The following OTUD7A variants were observed in gnomAD, a reference collection of about 807,000 sequenced individuals.
OTUD7A encodes the protein OTU deubiquitinase 7A, also known as OTU domain-containing protein 7A.
OTUD7A carries 12 observed loss-of-function variants against 65.7 expected under a neutral mutation model. That is an observed-to-expected ratio of 0.18 (90% confidence interval 0.12 to 0.30). The LOEUF (loss-of-function observed/expected upper bound fraction) is 0.30, where lower values mean the gene tolerates loss of function less well. Ranked by LOEUF, OTUD7A falls within the 10% of genes least tolerant of loss-of-function variation. The pLI, the probability that OTUD7A is intolerant of heterozygous loss-of-function variation, is 1.00. For missense variants in OTUD7A, 1,148 were observed against 1,304.8 expected (o/e 0.88, Z 1.85); for synonymous variants, 641 against 586.3 (o/e 1.09, Z -1.35).
intron 1 of OTUD7A, among the ~76,000 whole-genome samples, chr15:31,801,497 A>T (rs1383529715): frequency 6.6e-6 from 1 of 152,274 alleles, no homozygotes; most frequent in African/African-American, 2.4e-5. Context: ...CTAGGCCAGC[A>T]GCGGGCACAT....
chr15:31,760,281 C>G lies in OTUD7A; in HGVS notation c.-99-103204G>C, dbSNP rs185542908. ...AGGGACATCATCCTTCCAATTAGCC[C>G]TGATTTCCACTGTTTCATCACTTCC... On this transcript the variant is annotated intron_variant, in intron 1 of 12. Transcript: ENST00000307050. 3.3e-3 allele frequency among the ~76,000 whole-genome samples: 498 copies of G among 152,282 alleles called. 6 individuals carry two copies. Among genetic ancestry groups the G allele is most frequent in the African/African-American group, 0.012 (483 of 41,556 alleles).
chr15:31,854,414 A>T (rs932602450), intron 1 of OTUD7A, among the ~76,000 whole-genome samples: 1 of 152,216 alleles, frequency 6.6e-6, no homozygotes, highest in Admixed American at 6.5e-5. Context: ...GGACAGGAAC[A>T]TCTCTGGGGG....
intron 1 of OTUD7A, among the ~76,000 whole-genome samples, chr15:31,781,752 T>C (rs1479751649): frequency 1.3e-5 from 2 of 152,220 alleles, no homozygotes; most frequent in Non-Finnish European, 2.9e-5. Flanking sequence ...TTGACTGATT[T>C]CACCATCATC....
chr15:31,631,602 G>A (rs1053466528), intron 3 of OTUD7A, among the ~76,000 whole-genome samples: 77 of 152,060 alleles, frequency 5.1e-4, no homozygotes, highest in Non-Finnish European at 4.7e-4. Context: ...TCTTTGTGGC[G>A]TTCTCTGTAT....
rs967740370 is a variant in OTUD7A, at chr15:31,734,530, CA to C, written c.-99-77454del. On this transcript the variant is annotated intron_variant, in intron 1 of 12. Coordinates refer to ENST00000307050, the MANE Select transcript of OTUD7A (RefSeq NM_001382637.1). ...TATTACAGGGCTACGGTAGCCAAAA[CA>C]GCATGGTACTGGTACAAAAACAGAT... Among the ~76,000 whole-genome samples, 12 of 152,312 alleles carry C rather than the reference CA, an allele frequency of 7.9e-5. No individual in the cohort carries two copies. The South Asian group carries it at 2.5e-3, about 32-fold the overall frequency.
chr15:31,655,564 G>C (rs892547811), intron 2 of OTUD7A, among the ~76,000 whole-genome samples: 4 of 152,030 alleles, frequency 2.6e-5, no homozygotes, highest in African/African-American at 9.7e-5. Flanking sequence ...GAAAGACAGT[G>C]CCATCTATGA....
chr15:31,696,792 T>C (rs2654091), intron 1 of OTUD7A, among the ~76,000 whole-genome samples: 140,586 of 151,130 alleles, frequency 0.93, 66,302 homozygotes, highest in East Asian at 1. Context: ...GGCCTGGGGC[T>C]AGGTGTCTGC....
At chr15:31,672,367 T>C (rs1892503263) in intron 1 of OTUD7A, among the ~76,000 whole-genome samples, 1 of 152,224 alleles carries the variant, frequency 6.6e-6, no homozygotes, top group Admixed American at 6.5e-5. Context: ...TAGAGATTTA[T>C]CCATCTTAAC....
chr15:31,636,429 T>G (rs1290264108), intron 3 of OTUD7A, among the ~76,000 whole-genome samples: 1 of 152,230 alleles, frequency 6.6e-6, no homozygotes, highest in Non-Finnish European at 1.5e-5. Context: ...GTGTGTGTTC[T>G]GACTGCTCCA....
intron 3 of OTUD7A, among the ~76,000 whole-genome samples, chr15:31,619,368 T>C (rs1268077455): frequency 2.0e-5 from 3 of 152,212 alleles, no homozygotes; most frequent in Non-Finnish European, 4.4e-5. Flanking sequence ...CCTTGGGCAG[T>C]ATGGCCATTT....
At chr15:31,544,416 G>C (rs986537165) in intron 5 of OTUD7A, among the ~76,000 whole-genome samples, 11 of 151,592 alleles carry the variant, frequency 7.3e-5, no homozygotes, top group Non-Finnish European at 1.5e-4. Flanking sequence ...GAGGTATAGA[G>C]GGAAGGGAAA....
chr15:31,589,157 A>G (rs1008718072), intron 3 of OTUD7A, among the ~76,000 whole-genome samples: 1 of 152,214 alleles, frequency 6.6e-6, no homozygotes, highest in Non-Finnish European at 1.5e-5. Flanking sequence ...GTATACATAT[A>G]CATACACGCA....
chr15:31,763,521 TAAG>T (rs1895026418), intron 1 of OTUD7A, among the ~76,000 whole-genome samples: 1 of 151,732 alleles, frequency 6.6e-6, no homozygotes, highest in South Asian at 2.1e-4. Context: ...TGAAAAAAAT[TAAG>T]AGACTCAGGA....
chr15:31,589,067 A>C (rs1889636174), intron 3 of OTUD7A, among the ~76,000 whole-genome samples: 1 of 152,206 alleles, frequency 6.6e-6, no homozygotes, highest in Non-Finnish European at 1.5e-5. Flanking sequence ...CTTAGGCAGA[A>C]GGAAAGATGG....
At chr15:31,713,512 G>A (rs1027677142) in intron 1 of OTUD7A, among the ~76,000 whole-genome samples, 109 of 152,166 alleles carry the variant, frequency 7.2e-4, no homozygotes, top group Non-Finnish European at 1.2e-3. Context: ...CCAGCTACTC[G>A]GGAGGCTGAG....
intron 5 of OTUD7A, 26 bp from the exon 6 acceptor site, chr15:31,530,834 A>C: frequency 6.3e-7 from 1 of 1,599,056 alleles, no homozygotes; most frequent in Non-Finnish European, 8.5e-7. Flanking sequence ...ACTTTAGAAC[A>C]GGATCCCAGA....
At chr15:31,580,146 T>C (rs1889328965) in intron 3 of OTUD7A, among the ~76,000 whole-genome samples, 1 of 152,100 alleles carries the variant, frequency 6.6e-6, no homozygotes, top group South Asian at 2.1e-4. Context: ...GGACAGAAAG[T>C]TGCGTCTGGA....
chr15:31,600,039 G>A lies in OTUD7A; in HGVS notation c.152-29842C>T, dbSNP rs552183376. 1.2e-4 allele frequency among the ~76,000 whole-genome samples: 19 copies of A among 152,270 alleles called. No individual in the cohort carries two copies. The South Asian group carries it at 3.9e-3, about 32-fold the overall frequency. On this transcript the variant is annotated intron_variant, in intron 3 of 12. Transcript: ENST00000307050. ...GACTGATATACCTGAAAGTGATGGG[G>A]AGAATGGAACCAAGATGGAAAACAC...
chr15:31,490,891 G>C (rs2041309493), intron 10 of OTUD7A, among the ~76,000 whole-genome samples: 1 of 152,104 alleles, frequency 6.6e-6, no homozygotes, highest in Non-Finnish European at 1.5e-5. Flanking sequence ...GTCATCTTCT[G>C]TTACTCTGAT....
Sources: allele counts gnomAD v4.1 joint callset (sites outside exome capture counted in the v4.1 genomes callset), GRCh38; gene constraint gnomAD v4.1.1; transcripts MANE v1.5; gene names NCBI Gene and HGNC (gene_info 2026-07-23, HGNC 2026-07-21).